Variants in DNMBP observed in about 807,000 individuals in gnomAD.
DNMBP encodes the protein dynamin binding protein.
Under a neutral mutation model 150.0 loss-of-function variants are expected in DNMBP, and 87 were observed. The ratio of observed to expected loss-of-function variants is 0.58; its 90% CI spans 0.49 to 0.69. The LOEUF (loss-of-function observed/expected upper bound fraction) is 0.69. Among genes scored for constraint, DNMBP ranks in the 30% least tolerant of loss-of-function variants. The pLI is 0.00. For synonymous variants in DNMBP, 711 were observed against 750.4 expected, an observed-to-expected ratio of 0.95 and a Z score of 0.86; for missense variants, 1,774 against 1,949.0, an observed-to-expected ratio of 0.91 and a Z score of 1.69.
intron 3 of DNMBP, among the ~76,000 whole-genome samples, chr10:99,966,283 T>C (rs2040618297): frequency 6.6e-6 from 1 of 152,188 alleles, no homozygotes; most frequent in South Asian, 2.1e-4. Flanking sequence ...GGATAATTAG[T>C]ACATCTCATT....
intron 9 of DNMBP, among the ~76,000 whole-genome samples, chr10:99,896,893 G>GT (rs1226742212): frequency 6.6e-6 from 1 of 152,190 alleles, no homozygotes; most frequent in African/African-American, 2.4e-5. Flanking sequence ...AGAGATAAAA[G>GT]TAGAAGGGTG....
intron 4 of DNMBP, among the ~76,000 whole-genome samples, chr10:99,950,794 G>C (rs2040412555): frequency 6.6e-6 from 1 of 152,180 alleles, no homozygotes; most frequent in African/African-American, 2.4e-5. Context: ...TTTTATAAGG[G>C]ATGTACAGAA....
In DNMBP at chr10:99,959,073, C is replaced by T. The variant is rs1393215695; in HGVS notation, c.269-1868G>A. ...CATTGCAACAGATTGAATACAGATG[C>T]AAATAGAATCTGGTTTTCTTTTAGT... On this transcript the variant is annotated intron_variant, in intron 3 of 16. Coordinates refer to ENST00000324109, the MANE Select transcript of DNMBP (RefSeq NM_015221.4). Among the ~76,000 whole-genome samples, 5 of 152,108 alleles carry T rather than the reference C, an allele frequency of 3.3e-5. No individual in the cohort carries two copies. In the South Asian group the frequency reaches 8.3e-4, roughly 25 times the overall value.
chr10:99,927,656 A>T (rs1057268951), intron 4 of DNMBP, among the ~76,000 whole-genome samples: 2 of 152,222 alleles, frequency 1.3e-5, no homozygotes, highest in African/African-American at 4.8e-5. Context: ...GATTTCTAGT[A>T]AAGACAGAAT....
At chr10:99,937,268 C>G (rs1344033195) in intron 4 of DNMBP, among the ~76,000 whole-genome samples, 1 of 151,958 alleles carries the variant, frequency 6.6e-6, no homozygotes, top group African/African-American at 2.4e-5. Flanking sequence ...TCCCTTGTAC[C>G]TCCTCAACCA....
intron 11 of DNMBP, among the ~76,000 whole-genome samples, chr10:99,891,772 G>A (rs554634211): frequency 3.3e-5 from 5 of 150,576 alleles, no homozygotes; most frequent in African/African-American, 4.9e-5. Context: ...AGTGAGGAGC[G>A]TCTCTGCCCG....
chr10:99,933,968 C>T (rs1589426496), intron 4 of DNMBP, among the ~76,000 whole-genome samples: 1 of 152,294 alleles, frequency 6.6e-6, no homozygotes, highest in East Asian at 1.9e-4. Flanking sequence ...AATCTCCTGA[C>T]CTCATGATCC....
chr10:100,003,310 G>A (rs902259924), intron 1 of DNMBP, among the ~76,000 whole-genome samples: 5 of 152,190 alleles, frequency 3.3e-5, no homozygotes. Flanking sequence ...TCGAGCCACT[G>A]CACTCCAGCC....
Position 99,896,163 on chromosome 10 carries a change from C to A in DNMBP, c.3051+104G>T. ...TCCACCAGCTCGTAAAACCGGAGGA[C>A]GTCTGAGGAAGGGAACCACGCCAAT... On this transcript the variant is annotated intron_variant, in intron 10 of 16. Coordinates refer to ENST00000324109, the MANE Select transcript of DNMBP (RefSeq NM_015221.4). 5.2e-6 allele frequency: 7 copies of A among 1,343,862 alleles called. No individual in the cohort carries two copies. In the South Asian group the frequency reaches 5.7e-5, roughly 11 times the overall value. 83.2% of individuals were successfully genotyped at this position (1,343,862 alleles called of 1,614,324 possible).
chr10:99,884,891 A>G (rs1017611058), intron 14 of DNMBP, among the ~76,000 whole-genome samples: 4 of 152,100 alleles, frequency 2.6e-5, no homozygotes, highest in Non-Finnish European at 5.9e-5. Flanking sequence ...GTGACAGAGC[A>G]AGGCTCTGTC....
Position 99,885,804 on chromosome 10 carries a change from T to C in DNMBP, c.3681A>G (p.Arg1227=). The C allele has an allele frequency of 6.2e-7, 1 of 1,612,976 alleles. No homozygotes were observed. The highest frequency in any genetic ancestry group is 8.5e-7 in the Non-Finnish European group (1 of 1,179,676). The change falls in exon 14 of 17, where the codon AGA becomes AGG. Residue 1227 remains arginine, a synonymous_variant. Transcript: ENST00000324109. The part of the protein sequence containing the change: ...LIAIFHEEHS[R]VLQQLQVFTF... Reference sequence around the variant, plus strand: ...TAAAAACCTGGAGTTGCTGCAGAACTCTGCTGTGCTCTTCGTGGAAGATGG... The same window carrying C: ...TAAAAACCTGGAGTTGCTGCAGAACCCTGCTGTGCTCTTCGTGGAAGATGG...
At position 99,891,263 on chromosome 10, in the gene DNMBP, C is replaced by T. The variant is rs867794971; in HGVS notation, c.3157-2310G>A. Among the ~76,000 whole-genome samples the T allele has an allele frequency of 4.2e-3, 621 of 147,760 alleles. 3 individuals carry two copies. The highest frequency in any genetic ancestry group is 0.015 in the African/African-American group (605 of 39,386). On this transcript the variant is annotated intron_variant, in intron 11 of 16. Coordinates refer to ENST00000324109, the MANE Select transcript of DNMBP (RefSeq NM_015221.4). ...AAGCTGGACTGTACTGCTGCCATCT[C>T]GGCTCACTGCAACCTCCCTGCCTGA...
chr10:99,881,025 C>A (rs1283052985), intron 15 of DNMBP, among the ~76,000 whole-genome samples: 1 of 152,164 alleles, frequency 6.6e-6, no homozygotes. Context: ...CAGGAGTTCA[C>A]AACCAGCCTG....
chr10:99,984,029 G>A (rs1707528748), intron 1 of DNMBP, among the ~76,000 whole-genome samples: 1 of 152,090 alleles, frequency 6.6e-6, no homozygotes, highest in African/African-American at 2.4e-5. Flanking sequence ...AAAGCTTCAG[G>A]ATTGACTCTC....
In DNMBP at chr10:99,898,236, G is replaced by C. The variant is rs534588616; in HGVS notation, c.2770C>G (p.Gln924Glu). ...NLGSFLIKPVQRVMRYPLLLM... is the reference protein window; with the variant it reads ...NLGSFLIKPVERVMRYPLLLM... The stretch of plus-strand genomic sequence containing the variant: ...AACAGCGGGTAACGCATTACTCTCT[G>C]TACTGGTTTGATGAGGAAGGAGCCC... Residue 924 changes from glutamine (Q) to glutamate (E), a missense_variant, in exon 9 of 17, where the codon CAG (glutamine) becomes GAG (glutamate). Physicochemically the swap from Gln to Glu is conservative, Grantham distance 29 (BLOSUM62 2). Coordinates refer to ENST00000324109, the MANE Select transcript of DNMBP (RefSeq NM_015221.4). 7.4e-6 allele frequency: 12 copies of C among 1,614,068 alleles called. No individual in the cohort carries two copies. Among genetic ancestry groups the C allele is most frequent in the African/African-American group, 1.3e-5 (1 of 75,034 alleles).
intron 14 of DNMBP, among the ~76,000 whole-genome samples, chr10:99,885,350 A>C (rs2039440007): frequency 6.6e-6 from 1 of 152,080 alleles, no homozygotes; most frequent in Non-Finnish European, 1.5e-5. Flanking sequence ...CTCTACTAAA[A>C]AATAGAAAAA....
At chr10:99,912,295 T>C (rs923398972) in intron 4 of DNMBP, among the ~76,000 whole-genome samples, 1 of 152,234 alleles carries the variant, frequency 6.6e-6, no homozygotes, top group African/African-American at 2.4e-5. Flanking sequence ...TCTTAAAAAC[T>C]CCCTGGAAAC....
chr10:99,896,192 C>T (rs551258662), intron 10 of DNMBP, 75 bp downstream of exon 10: 23 of 1,536,612 alleles, frequency 1.5e-5, no homozygotes, highest in Admixed American at 1.5e-4. Context: ...CGCCAATTGA[C>T]GCCAGGCAGG....
chr10:99,904,789 T>C (rs1487363145), intron 6 of DNMBP, among the ~76,000 whole-genome samples: 2 of 152,200 alleles, frequency 1.3e-5, no homozygotes, highest in East Asian at 1.9e-4. Flanking sequence ...AAAAAATAAA[T>C]GCAGGTGCTA....
Sources: allele counts gnomAD v4.1 joint callset (sites outside exome capture counted in the v4.1 genomes callset), GRCh38; gene constraint gnomAD v4.1.1; transcripts MANE v1.5; gene names NCBI Gene and HGNC (gene_info 2026-07-23, HGNC 2026-07-21).